The following PHACTR1 variants were observed in gnomAD, a reference collection of about 807,000 sequenced individuals.
The protein encoded by PHACTR1 is phosphatase and actin regulator 1.
A neutral mutation model predicts 69.2 loss-of-function variants in PHACTR1; 16 were observed. The observed-to-expected ratio is 0.23, with a 90% CI of 0.16 to 0.35. The LOEUF is 0.35. Among genes scored for constraint, PHACTR1 ranks in the 10% least tolerant of loss-of-function variants. PHACTR1 has a pLI of 1.00. For missense variants in PHACTR1, 510 were observed against 734.7 expected (o/e 0.69, Z 3.54); for synonymous variants, 312 against 284.5 (o/e 1.10, Z -0.97).
intron 4 of PHACTR1, among the ~76,000 whole-genome samples, chr6:12,793,800 A>T (rs1297642186): frequency 1.3e-5 from 2 of 152,232 alleles, no homozygotes; most frequent in African/African-American, 4.8e-5. Flanking sequence ...TTAATGAGTC[A>T]TCAGATTTCC....
intron 4 of PHACTR1, among the ~76,000 whole-genome samples, chr6:12,917,584 C>T (rs188941732): frequency 5.1e-4 from 78 of 152,178 alleles, no homozygotes; most frequent in Non-Finnish European, 8.8e-4. Context: ...GAGGCCCTGT[C>T]TGTAAACAAG....
chr6:13,053,279 C>T, intron 4 of PHACTR1, 86 bp from the exon 5 acceptor site: 3 of 1,323,882 alleles, frequency 2.3e-6, no homozygotes, highest in Non-Finnish European at 3.1e-6. Flanking sequence ...TATCTGTAAC[C>T]ATGGAAAACG....
Position 13,191,959 on chromosome 6 carries a change from A to G in PHACTR1, c.664+9273A>G, listed in dbSNP as rs138970121. Among the ~76,000 whole-genome samples, 12 of 152,338 alleles carry G rather than the reference A, an allele frequency of 7.9e-5. No homozygotes were observed. In the East Asian group the frequency reaches 2.3e-3, roughly 29 times the overall value. On this transcript the variant is annotated intron_variant, in intron 7 of 14. Coordinates refer to ENST00000332995, the MANE Select transcript of PHACTR1 (RefSeq NM_030948.6). Reference sequence around the variant, plus strand: ...CTATCTGTTGATTAAAACAGTTTTTAAAGGATGCTTTCTGCTCTGATTTCT... The same window carrying G: ...CTATCTGTTGATTAAAACAGTTTTTGAAGGATGCTTTCTGCTCTGATTTCT...
chr6:12,858,622 C>G (rs1279099373), intron 4 of PHACTR1, among the ~76,000 whole-genome samples: 1 of 151,856 alleles, frequency 6.6e-6, no homozygotes, highest in East Asian at 1.9e-4. Context: ...GTGAGACCCC[C>G]ATCTCTACAA....
intron 7 of PHACTR1, among the ~76,000 whole-genome samples, chr6:13,183,641 G>A (rs1424351981): frequency 6.6e-6 from 1 of 152,126 alleles, no homozygotes; most frequent in Non-Finnish European, 1.5e-5. Flanking sequence ...AGGAGGGTGG[G>A]GAGGGGAGGA....
At chr6:13,166,398 G>A (rs1025298329) in intron 6 of PHACTR1, among the ~76,000 whole-genome samples, 5 of 152,074 alleles carry the variant, frequency 3.3e-5, no homozygotes, top group Non-Finnish European at 4.4e-5. Flanking sequence ...AGGGGTCTTC[G>A]TCTGATTTGT....
chr6:13,133,438 C>T (rs908898213), intron 5 of PHACTR1, among the ~76,000 whole-genome samples: 38 of 151,772 alleles, frequency 2.5e-4, no homozygotes, highest in African/African-American at 8.5e-4. Flanking sequence ...GGATTGCAGG[C>T]GCGCGCCGCC....
chr6:12,757,549 T>C (rs1696803999), intron 4 of PHACTR1, among the ~76,000 whole-genome samples: 1 of 152,158 alleles, frequency 6.6e-6, no homozygotes, highest in African/African-American at 2.4e-5. Flanking sequence ...GTTTGGAGGC[T>C]ATGAACGGTG....
chr6:12,870,522 C>A (rs1411720604), intron 4 of PHACTR1, among the ~76,000 whole-genome samples: 1 of 152,168 alleles, frequency 6.6e-6, no homozygotes, highest in Non-Finnish European at 1.5e-5. Context: ...CTAGAAAACA[C>A]ACTGGAAATT....
intron 4 of PHACTR1, among the ~76,000 whole-genome samples, chr6:12,814,396 G>A (rs1775348105): frequency 6.6e-6 from 1 of 152,220 alleles, no homozygotes; most frequent in African/African-American, 2.4e-5. Context: ...AAAGTGCTGT[G>A]TGCCTGGCAC....
At chr6:13,115,370 C>T (rs956945262) in intron 5 of PHACTR1, among the ~76,000 whole-genome samples, 1 of 152,206 alleles carries the variant, frequency 6.6e-6, no homozygotes, top group African/African-American at 2.4e-5. Flanking sequence ...AAACCTTCAA[C>T]ACAAACACTC....
chr6:12,860,826 A>G (rs1184576590), intron 4 of PHACTR1, among the ~76,000 whole-genome samples: 2 of 152,192 alleles, frequency 1.3e-5, no homozygotes, highest in Admixed American at 1.3e-4. Context: ...TATAAGAAGC[A>G]TATCTTAAGT....
At chr6:13,110,575 T>C (rs1816884075) in intron 5 of PHACTR1, among the ~76,000 whole-genome samples, 1 of 152,220 alleles carries the variant, frequency 6.6e-6, no homozygotes, top group South Asian at 2.1e-4. Context: ...ACTCTGTTTC[T>C]CATATTCCAG....
At chr6:13,206,665 G>T (rs1387261281) in intron 8 of PHACTR1, among the ~76,000 whole-genome samples, 1 of 152,154 alleles carries the variant, frequency 6.6e-6, no homozygotes, top group Non-Finnish European at 1.5e-5. Context: ...TCCAGTTCCG[G>T]GTGGTGGCTA....
At chr6:12,788,665 G>T (rs1227586290) in intron 4 of PHACTR1, among the ~76,000 whole-genome samples, 3 of 152,192 alleles carry the variant, frequency 2.0e-5, no homozygotes, top group African/African-American at 4.8e-5. Context: ...ACAGAGAAAA[G>T]TGGCCAAGGC....
chr6:13,251,622 C>A (rs569320418), intron 10 of PHACTR1, among the ~76,000 whole-genome samples: 3 of 152,152 alleles, frequency 2.0e-5, no homozygotes, highest in Non-Finnish European at 4.4e-5. Flanking sequence ...GAAGAGAACA[C>A]GGACTAATGT....
chr6:12,933,543 T>C, intron 4 of PHACTR1: 1 of 1,552,902 alleles, frequency 6.4e-7, no homozygotes, highest in South Asian at 1.3e-5. Flanking sequence ...TTTAATATAA[T>C]GGATCTCGCC....
Position 13,179,108 on chromosome 6 carries a change from G to A in PHACTR1, c.497-3411G>A, listed in dbSNP as rs150962589. 8.7e-3 allele frequency among the ~76,000 whole-genome samples: 1,316 copies of A among 152,040 alleles called. 24 individuals carry two copies. The highest frequency in any genetic ancestry group is 0.03 in the African/African-American group (1,245 of 41,474). The stretch of plus-strand genomic sequence containing the variant: ...AAAATTAGTGGGGCATGGTGGTGTG[G>A]GCCTGTGGTCCCAGCTACTCTGGGG... On this transcript the variant is annotated intron_variant, in intron 6 of 14. Coordinates refer to ENST00000332995, the MANE Select transcript of PHACTR1 (RefSeq NM_030948.6). This position sits in a 1 kb window ranked among gnomAD's most constrained non-coding sequence, Gnocchi z 4.2.
chr6:12,914,967 G>C (rs1028778069), intron 4 of PHACTR1, among the ~76,000 whole-genome samples: 2 of 152,182 alleles, frequency 1.3e-5, no homozygotes, highest in Admixed American at 1.3e-4. Flanking sequence ...GCAGGAACTG[G>C]CCCTCTGTGA....
Sources: allele counts gnomAD v4.1 joint callset (sites outside exome capture counted in the v4.1 genomes callset), GRCh38; gene constraint gnomAD v4.1.1; non-coding constraint Gnocchi (gnomAD v3.1); transcripts MANE v1.5; gene names NCBI Gene and HGNC (gene_info 2026-07-23, HGNC 2026-07-21).